Variants in STXBP5L observed in about 807,000 individuals in gnomAD.
STXBP5L encodes syntaxin-binding protein 5-like.
Under a neutral mutation model 144.5 loss-of-function variants are expected in STXBP5L, and 65 were observed. The observed-to-expected ratio is 0.45, with a 90% CI of 0.37 to 0.55. The LOEUF (loss-of-function observed/expected upper bound fraction) is 0.55, where lower values mean the gene tolerates loss of function less well. STXBP5L is among the 20% of genes least tolerant of loss of function. The pLI, the probability that STXBP5L is intolerant of heterozygous loss-of-function variation, is 0.00. For missense variants in STXBP5L, 1,298 were observed against 1,405.5 expected (o/e 0.92, Z 1.22); for synonymous variants, 505 against 469.6 (o/e 1.08, Z -0.97).
intron 10 of STXBP5L, among the ~76,000 whole-genome samples, chr3:121,218,602 G>A (rs2048878111): frequency 6.6e-6 from 1 of 151,826 alleles, no homozygotes; most frequent in Non-Finnish European, 1.5e-5. Context: ...GAAGGGAGTA[G>A]GGAGGAGAAC....
intron 5 of STXBP5L, chr3:121,049,604 T>A (rs914751610): frequency 1.9e-5 from 3 of 154,356 alleles, no homozygotes; most frequent in Admixed American, 6.5e-5. Flanking sequence ...GATCCGAGAA[T>A]TCTGGTAGGG....
At chr3:120,913,082 T>C (rs1708929089) in intron 2 of STXBP5L, among the ~76,000 whole-genome samples, 1 of 151,996 alleles carries the variant, frequency 6.6e-6, no homozygotes, top group African/African-American at 2.4e-5. Context: ...TTTTTCTTTT[T>C]TAAAAACCTA....
chr3:121,027,713 C>A (rs954844391), intron 3 of STXBP5L, among the ~76,000 whole-genome samples: 1 of 152,078 alleles, frequency 6.6e-6, no homozygotes, highest in Middle Eastern at 3.4e-3. Flanking sequence ...AAGATAATCT[C>A]CCCATCTCAT....
chr3:121,338,819 A>G (rs896129588), intron 20 of STXBP5L, among the ~76,000 whole-genome samples: 1 of 152,114 alleles, frequency 6.6e-6, no homozygotes, highest in Non-Finnish European at 1.5e-5. Flanking sequence ...AATTCCTGGA[A>G]ACATACCACC....
chr3:121,038,856 G>T (rs1946945025), intron 3 of STXBP5L, among the ~76,000 whole-genome samples: 1 of 151,520 alleles, frequency 6.6e-6, no homozygotes, highest in South Asian at 2.1e-4. Context: ...TTTAACCCCG[G>T]TAATGTTCTG....
rs112637612 is a variant in STXBP5L, at chr3:121,277,362, G to A, written c.1959-2443G>A. The stretch of plus-strand genomic sequence containing the variant: ...ATCATCTTGGGGGTTAAGTTTTAAC[G>A]TATTAATTTTGGGAAAACACAAACA... On this transcript the variant is annotated intron_variant, in intron 18 of 26. Transcript: ENST00000471454. Among the ~76,000 whole-genome samples the A allele has an allele frequency of 4.3e-3, 646 of 151,982 alleles. 3 individuals carry two copies. Among genetic ancestry groups the A allele is most frequent in the Non-Finnish European group, 6.7e-3 (456 of 67,864 alleles).
intron 25 of STXBP5L, among the ~76,000 whole-genome samples, chr3:121,417,159 C>T (rs1357978603): frequency 6.6e-6 from 1 of 152,082 alleles, no homozygotes; most frequent in African/African-American, 2.4e-5. Context: ...TTGCCAGGGG[C>T]TGAGGCACAG....
chr3:121,397,648 C>T (rs1257606311), intron 22 of STXBP5L, among the ~76,000 whole-genome samples: 2 of 151,992 alleles, frequency 1.3e-5, no homozygotes, highest in African/African-American at 4.8e-5. Context: ...ATACCAGGGA[C>T]ATACCCCATT....
intron 22 of STXBP5L, among the ~76,000 whole-genome samples, chr3:121,399,484 A>G (rs2046817109): frequency 6.6e-6 from 1 of 152,214 alleles, no homozygotes; most frequent in South Asian, 2.1e-4. Flanking sequence ...TAGCCTTCAG[A>G]GCTGAGAGCC....
intron 5 of STXBP5L, among the ~76,000 whole-genome samples, chr3:121,062,472 A>G (rs992574274): frequency 6.6e-6 from 1 of 152,162 alleles, no homozygotes; most frequent in African/African-American, 2.4e-5. Context: ...TCTGATGATT[A>G]TGTGTCTTGG....
At chr3:121,000,230 C>G (rs950126382) in intron 3 of STXBP5L, among the ~76,000 whole-genome samples, 5 of 152,162 alleles carry the variant, frequency 3.3e-5, no homozygotes, top group Non-Finnish European at 7.4e-5. Flanking sequence ...CTCTCCCCCT[C>G]TCTTTCAGTG....
chr3:121,250,982 C>CTCTTTG (rs1054485255), intron 15 of STXBP5L, among the ~76,000 whole-genome samples: 2 of 152,154 alleles, frequency 1.3e-5, no homozygotes, highest in African/African-American at 4.8e-5. Context: ...GACTAAGTCA[C>CTCTTTG]TCTTTGTCAG....
chr3:121,046,912 G>T (rs1344115927), intron 5 of STXBP5L, among the ~76,000 whole-genome samples: 1 of 151,736 alleles, frequency 6.6e-6, no homozygotes, highest in African/African-American at 2.4e-5. Flanking sequence ...GGTTTGTTTT[G>T]TATTGTTTCT....
intron 9 of STXBP5L, among the ~76,000 whole-genome samples, chr3:121,193,193 C>A (rs549661474): frequency 7.0e-6 from 1 of 142,788 alleles, no homozygotes; most frequent in African/African-American, 2.6e-5. Context: ...AAAAAAGACA[C>A]CTATGCAGCC....
chr3:121,110,779 G>T (rs2043946551), intron 5 of STXBP5L, among the ~76,000 whole-genome samples: 1 of 152,108 alleles, frequency 6.6e-6, no homozygotes, highest in Admixed American at 6.5e-5. Flanking sequence ...GGCCTCTCTT[G>T]CTAGGTTAGG....
At chr3:121,397,532 G>T (rs371082523) in intron 22 of STXBP5L, among the ~76,000 whole-genome samples, 1 of 152,282 alleles carries the variant, frequency 6.6e-6, no homozygotes, top group East Asian at 1.9e-4. Flanking sequence ...GGTTCTGGAC[G>T]CTTAACAATG....
chr3:121,317,736 C>T (rs2043832271), intron 19 of STXBP5L, among the ~76,000 whole-genome samples: 1 of 151,968 alleles, frequency 6.6e-6, no homozygotes, highest in Non-Finnish European at 1.5e-5. Flanking sequence ...GTTTATTAAT[C>T]TGTTGTGTCT....
intron 22 of STXBP5L, among the ~76,000 whole-genome samples, chr3:121,401,355 T>A (rs4525804): frequency 0.79 from 119,384 of 151,186 alleles, 47,282 homozygotes; most frequent in East Asian, 0.89. Context: ...AGGGATCTAG[T>A]ACTAGAAATA....
intron 19 of STXBP5L, among the ~76,000 whole-genome samples, chr3:121,292,805 T>G (rs918416722): frequency 6.6e-6 from 1 of 152,202 alleles, no homozygotes; most frequent in African/African-American, 2.4e-5. Flanking sequence ...ACATTGTAAG[T>G]TCTCACTTAT....
Sources: gnomAD v4.1 joint callset for allele counts (sites outside exome capture counted in the v4.1 genomes callset) on GRCh38, gnomAD v4.1.1 for gene constraint, MANE v1.5 for transcripts, NCBI Gene and HGNC (gene_info 2026-07-23, HGNC 2026-07-21) for gene names.